Variants in LPP observed in about 807,000 individuals in gnomAD.
The protein encoded by LPP is lipoma-preferred partner.
In LPP, 38 loss-of-function variants were observed where a neutral mutation model predicts 60.4. The observed-to-expected ratio is 0.63, with a 90% CI of 0.49 to 0.83. LPP has a LOEUF of 0.83. Ranked by LOEUF, LPP falls within the 40% of genes least tolerant of loss-of-function variation. The pLI is 0.00. For synonymous variants in LPP, 328 were observed against 290.8 expected, an observed-to-expected ratio of 1.13 and a Z score of -1.30; for missense variants, 902 against 783.6, an observed-to-expected ratio of 1.15 and a Z score of -1.80.
chr3:188,318,750 A>ATTTTTT (rs1578073052), intron 2 of LPP, among the ~76,000 whole-genome samples: 1 of 120,512 alleles, frequency 8.3e-6, no homozygotes, highest in African/African-American at 3.3e-5. Flanking sequence ...AAAAATTATG[A>ATTTTTT]TTCTTTTTTT....
chr3:188,395,796 C>T (rs892639626), intron 3 of LPP, among the ~76,000 whole-genome samples: 2 of 151,916 alleles, frequency 1.3e-5, no homozygotes, highest in African/African-American at 2.4e-5. Context: ...CCTATAGTCC[C>T]GACTACTTTG....
intron 2 of LPP, among the ~76,000 whole-genome samples, chr3:188,278,309 C>A (rs1427815516): frequency 2.6e-5 from 4 of 152,164 alleles, no homozygotes; most frequent in African/African-American, 9.7e-5. Flanking sequence ...TTTTACCCTA[C>A]TCACCCCTGA....
At chr3:188,564,802 C>T (rs1032818270) in intron 6 of LPP, among the ~76,000 whole-genome samples, 1 of 151,926 alleles carries the variant, frequency 6.6e-6, no homozygotes, top group African/African-American at 2.4e-5. Context: ...CCAGTGTTTC[C>T]TTGTCCGGTG....
At chr3:188,376,493 T>G (rs1178934973) in intron 3 of LPP, among the ~76,000 whole-genome samples, 2 of 152,212 alleles carry the variant, frequency 1.3e-5, no homozygotes, top group Non-Finnish European at 2.9e-5. Context: ...CGTTGTTGGT[T>G]TAAAGTCTGT....
chr3:188,460,656 A>G (rs1323865322), intron 4 of LPP, among the ~76,000 whole-genome samples: 1 of 152,356 alleles, frequency 6.6e-6, no homozygotes, highest in African/African-American at 2.4e-5. Context: ...TGTATAGGCT[A>G]TGTTCTTCAC....
At chr3:188,581,947 C>T (rs1328967891) in intron 6 of LPP, among the ~76,000 whole-genome samples, 8 of 145,790 alleles carry the variant, frequency 5.5e-5, no homozygotes, top group African/African-American at 1.3e-4. Flanking sequence ...GACCTTCTTT[C>T]GGTAGGCTTT....
In LPP at chr3:188,484,712, C is replaced by G; in HGVS notation, c.306+8C>G. The G allele has an allele frequency of 1.3e-6, 2 of 1,589,644 alleles. No homozygotes were observed. The highest frequency in any genetic ancestry group is 2.2e-5 in the South Asian group (2 of 90,534). Reference sequence around the variant, plus strand: ...GAGGCTTTCAAAGTACAGGTAAGAGCTGAAGTTAAAGTCATGTTAGGTAAG... The same window carrying G: ...GAGGCTTTCAAAGTACAGGTAAGAGGTGAAGTTAAAGTCATGTTAGGTAAG... On this transcript the variant is annotated splice_region_variant and intron_variant, in intron 5 of 11. Coordinates refer to ENST00000617246, the MANE Select transcript of LPP (RefSeq NM_001375462.1).
At chr3:188,722,883 C>T (rs62291270) in intron 8 of LPP, among the ~76,000 whole-genome samples, 94 of 152,214 alleles carry the variant, frequency 6.2e-4, no homozygotes, top group Non-Finnish European at 1.1e-3. Flanking sequence ...TGATTTGTGT[C>T]ATTTATGATT....
intron 9 of LPP, among the ~76,000 whole-genome samples, chr3:188,776,235 GAGGGGACT>G (rs1443684652): frequency 2.0e-5 from 3 of 152,240 alleles, no homozygotes; most frequent in Non-Finnish European, 4.4e-5. Flanking sequence ...GTGGGGAGAG[GAGGGGACT>G]GGCATCGAGA....
chr3:188,186,995 T>C (rs370298569), intron 1 of LPP, among the ~76,000 whole-genome samples: 21 of 152,348 alleles, frequency 1.4e-4, no homozygotes, highest in Admixed American at 7.2e-4. Context: ...ATATGAACTT[T>C]TGACAGTTTC....
intron 3 of LPP, among the ~76,000 whole-genome samples, chr3:188,388,987 G>A (rs969773283): frequency 6.6e-6 from 1 of 152,166 alleles, no homozygotes; most frequent in African/African-American, 2.4e-5. Flanking sequence ...TATTGTGAAT[G>A]TTAATTTCCT....
chr3:188,196,723 G>C (rs1729642880), intron 1 of LPP, among the ~76,000 whole-genome samples: 1 of 152,184 alleles, frequency 6.6e-6, no homozygotes, highest in South Asian at 2.1e-4. Flanking sequence ...CATGAATTAA[G>C]GGACAGGAAT....
At chr3:188,414,701 A>T (rs1307047467) in intron 4 of LPP, among the ~76,000 whole-genome samples, 7 of 152,162 alleles carry the variant, frequency 4.6e-5, no homozygotes, top group Non-Finnish European at 1.0e-4. Flanking sequence ...CATTTCAGCG[A>T]AGTACAGGTT....
chr3:188,187,528 A>G (rs1287085135), intron 1 of LPP, among the ~76,000 whole-genome samples: 2 of 152,078 alleles, frequency 1.3e-5, no homozygotes, highest in East Asian at 1.9e-4. Context: ...TGTTGAGAGA[A>G]AAAATTAGCA....
intron 9 of LPP, among the ~76,000 whole-genome samples, chr3:188,820,705 G>T (rs1004951622): frequency 3.3e-5 from 5 of 152,012 alleles, no homozygotes; most frequent in Non-Finnish European, 7.4e-5. Flanking sequence ...TAGATTAAAA[G>T]GATAATACAT....
At chr3:188,257,221 T>C (rs78818456) in intron 2 of LPP, among the ~76,000 whole-genome samples, 2,223 of 152,230 alleles carry the variant, frequency 0.015, 24 homozygotes, top group Middle Eastern at 0.037. Context: ...TGAAAAGAAG[T>C]GTTGATAAGC....
intron 9 of LPP, among the ~76,000 whole-genome samples, chr3:188,804,873 T>C (rs1457492131): frequency 6.6e-6 from 1 of 152,090 alleles, no homozygotes. Context: ...AGTTTCCTTC[T>C]TTTCATTAGT....
At chr3:188,413,240 T>C (rs554580514) in intron 4 of LPP, among the ~76,000 whole-genome samples, 20 of 152,314 alleles carry the variant, frequency 1.3e-4, no homozygotes, top group Middle Eastern at 3.4e-3. Flanking sequence ...ATGGTCCTCA[T>C]GGTGTGCTTT....
At chr3:188,371,377 T>A (rs1385387282) in intron 3 of LPP, among the ~76,000 whole-genome samples, 1 of 151,516 alleles carries the variant, frequency 6.6e-6, no homozygotes, top group African/African-American at 2.4e-5. Flanking sequence ...CAGTTCCTGC[T>A]TTCAAAAACC....
Sources: gnomAD v4.1 joint callset for allele counts (sites outside exome capture counted in the v4.1 genomes callset) on GRCh38, gnomAD v4.1.1 for gene constraint, MANE v1.5 for transcripts, NCBI Gene and HGNC (gene_info 2026-07-23, HGNC 2026-07-21) for gene names.